MAGI1: variants seen among roughly 807,000 people sequenced by gnomAD.
The protein encoded by MAGI1 is membrane associated guanylate kinase, WW and PDZ domain containing 1.
In MAGI1, 58 loss-of-function variants were observed where a neutral mutation model predicts 139.9. The ratio of observed to expected loss-of-function variants is 0.41; its 90% CI spans 0.34 to 0.52. MAGI1 has a LOEUF of 0.52. MAGI1 is among the 20% of genes least tolerant of loss of function. The pLI is 0.12. For synonymous variants in MAGI1, 812 were observed against 737.9 expected (o/e 1.10, Z -1.63); for missense variants, 1,874 against 1,901.6 (o/e 0.99, Z 0.27).
Position 65,841,810 on chromosome 3 carries a change from A to T in MAGI1, c.313+196186T>A, listed in dbSNP as rs112885614. ...TTGAACCAACACAGGGTTCACAGGAACCTAACTGTATATTCACATTCCTTA... is the reference window on the plus strand; with the variant it reads ...TTGAACCAACACAGGGTTCACAGGATCCTAACTGTATATTCACATTCCTTA... On this transcript the variant is annotated intron_variant, in intron 1 of 22. Coordinates refer to ENST00000402939, the MANE Select transcript of MAGI1 (RefSeq NM_001033057.2). Among the ~76,000 whole-genome samples the T allele has an allele frequency of 3.3e-3, 502 of 152,220 alleles. 1 individual carries two copies. The highest frequency in any genetic ancestry group is 0.012 in the African/African-American group (479 of 41,528).
chr3:65,692,955 A>G (rs767965372), intron 1 of MAGI1, among the ~76,000 whole-genome samples: 1 of 152,138 alleles, frequency 6.6e-6, no homozygotes, highest in Non-Finnish European at 1.5e-5. Context: ...CAGAGCAGAC[A>G]GGGTCTTGCT....
chr3:65,459,756 CTA>C (rs1210674560), intron 5 of MAGI1, among the ~76,000 whole-genome samples: 1 of 151,944 alleles, frequency 6.6e-6, no homozygotes, highest in Non-Finnish European at 1.5e-5. Context: ...AACCCTGTCT[CTA>C]TAAAAACTAC....
At chr3:65,562,021 CATT>C (rs928571691) in intron 2 of MAGI1, among the ~76,000 whole-genome samples, 1 of 152,132 alleles carries the variant, frequency 6.6e-6, no homozygotes, top group African/African-American at 2.4e-5. Flanking sequence ...TACAGTATAT[CATT>C]ATAATTGTTC....
At chr3:65,461,549 C>T (rs1181945678) in intron 5 of MAGI1, among the ~76,000 whole-genome samples, 4 of 142,812 alleles carry the variant, frequency 2.8e-5, no homozygotes, top group Non-Finnish European at 4.5e-5. Flanking sequence ...AGAGTGGTGG[C>T]GTGATCTTGG....
intron 2 of MAGI1, among the ~76,000 whole-genome samples, chr3:65,528,526 G>A (rs1003204844): frequency 2.0e-5 from 3 of 152,098 alleles, no homozygotes; most frequent in East Asian, 1.9e-4. Context: ...GATAAAAGGC[G>A]GGTCACAGAA....
At chr3:65,869,233 G>A (rs2108478419) in intron 1 of MAGI1, among the ~76,000 whole-genome samples, 1 of 142,014 alleles carries the variant, frequency 7.0e-6, no homozygotes, top group Non-Finnish European at 1.5e-5. Context: ...TCCAGCCTGG[G>A]TGACAGAGCG....
At chr3:65,543,147 A>G (rs1351853935) in intron 2 of MAGI1, among the ~76,000 whole-genome samples, 1 of 152,218 alleles carries the variant, frequency 6.6e-6, no homozygotes, top group African/African-American at 2.4e-5. Flanking sequence ...AAGAAACATG[A>G]AAAAAAGCTC....
At chr3:65,534,340 A>C (rs2078853459) in intron 2 of MAGI1, among the ~76,000 whole-genome samples, 1 of 152,096 alleles carries the variant, frequency 6.6e-6, no homozygotes, top group Admixed American at 6.6e-5. Context: ...AATAAATGAA[A>C]ATCAGCCAGG....
At chr3:65,872,610 C>T (rs1489781505) in intron 1 of MAGI1, among the ~76,000 whole-genome samples, 2 of 152,146 alleles carry the variant, frequency 1.3e-5, no homozygotes, top group East Asian at 1.9e-4. Context: ...TACCAAAACA[C>T]TCAGACAATA....
chr3:65,781,641 A>G (rs951689040), intron 1 of MAGI1, among the ~76,000 whole-genome samples: 11 of 152,242 alleles, frequency 7.2e-5, no homozygotes, highest in Non-Finnish European at 7.3e-5. Flanking sequence ...AATTGACTTG[A>G]CATTAAACTC....
intron 2 of MAGI1, among the ~76,000 whole-genome samples, chr3:65,541,953 T>G (rs2079249646): frequency 2.0e-5 from 3 of 152,162 alleles, no homozygotes; most frequent in African/African-American, 4.8e-5. Flanking sequence ...ATAAAGGGTA[T>G]TCAATTAGGA....
At chr3:66,015,751 A>G (rs2067602359) in intron 1 of MAGI1, among the ~76,000 whole-genome samples, 1 of 152,226 alleles carries the variant, frequency 6.6e-6, no homozygotes, top group South Asian at 2.1e-4. Context: ...AGAAAGAAAA[A>G]TTGACCAAAC....
At chr3:65,597,780 G>A (rs2082287453) in intron 2 of MAGI1, 1 of 456,748 alleles carries the variant, frequency 2.2e-6, no homozygotes, top group Non-Finnish European at 4.4e-6. Flanking sequence ...CGGTGGAGGG[G>A]TGGCGAGAGG....
chr3:65,696,789 A>C (rs2089235903), intron 1 of MAGI1, among the ~76,000 whole-genome samples: 1 of 152,248 alleles, frequency 6.6e-6, no homozygotes, highest in East Asian at 1.9e-4. Flanking sequence ...ACCCTTACAA[A>C]TTTTCCCTAA....
intron 13 of MAGI1, among the ~76,000 whole-genome samples, chr3:65,394,663 G>C (rs1356747011): frequency 7.3e-6 from 1 of 136,382 alleles, no homozygotes; most frequent in Non-Finnish European, 1.6e-5. Context: ...TGCTGTGGGT[G>C]TGAGGGGAGT....
intron 20 of MAGI1, 115 bp downstream of exon 20, chr3:65,364,550 C>T (rs1941221458): frequency 5.6e-6 from 5 of 886,408 alleles, no homozygotes; most frequent in Non-Finnish European, 7.3e-6. Flanking sequence ...AATCACCTCA[C>T]AAAAGGTTAT....
chr3:65,740,905 T>C (rs1425776733), intron 1 of MAGI1, among the ~76,000 whole-genome samples: 1 of 152,216 alleles, frequency 6.6e-6, no homozygotes, highest in African/African-American at 2.4e-5. Flanking sequence ...GCCATTAACT[T>C]TGAGATCACT....
intron 2 of MAGI1, among the ~76,000 whole-genome samples, chr3:65,579,194 A>G (rs757626551): frequency 6.6e-5 from 10 of 152,090 alleles, no homozygotes; most frequent in Non-Finnish European, 1.5e-4. Flanking sequence ...GCTCATCCCA[A>G]GTATTTTCCA....
intron 2 of MAGI1, among the ~76,000 whole-genome samples, chr3:65,505,954 A>G (rs2077268881): frequency 2.6e-5 from 4 of 152,192 alleles, no homozygotes; most frequent in Admixed American, 2.6e-4. Context: ...AATAAATAGT[A>G]TAATTTACTC....
Sources: gnomAD v4.1 joint callset for allele counts (sites outside exome capture counted in the v4.1 genomes callset) on GRCh38, gnomAD v4.1.1 for gene constraint, MANE v1.5 for transcripts, NCBI Gene and HGNC (gene_info 2026-07-23, HGNC 2026-07-21) for gene names.